Variants in HSD17B2 observed in about 807,000 individuals in gnomAD.
HSD17B2 encodes hydroxysteroid 17-beta dehydrogenase 2, also known as 17-beta-hydroxysteroid dehydrogenase type 2.
In HSD17B2, 32 loss-of-function variants were observed where a neutral mutation model predicts 26.9. The observed-to-expected ratio is 1.19, with a 90% CI of 0.90 to 1.60. The LOEUF is 1.60. Ranked by LOEUF, HSD17B2 falls within the 40% of genes most tolerant of loss-of-function variation. The pLI, the probability that HSD17B2 is intolerant of heterozygous loss-of-function variation, is 0.00. For missense variants in HSD17B2, 613 were observed against 468.6 expected, an observed-to-expected ratio of 1.31 and a Z score of -2.85; for synonymous variants, 246 against 186.7, an observed-to-expected ratio of 1.32 and a Z score of -2.59.
intron 3 of HSD17B2, among the ~76,000 whole-genome samples, chr16:82,085,473 T>C (rs757650362): frequency 3.3e-5 from 5 of 152,158 alleles, no homozygotes; most frequent in Non-Finnish European, 7.3e-5. Context: ...AACTGGTAAG[T>C]GATAAAGTCA....
At chr16:82,049,028 G>A (rs907566892) in intron 1 of HSD17B2, among the ~76,000 whole-genome samples, 1 of 152,164 alleles carries the variant, frequency 6.6e-6, no homozygotes, top group Non-Finnish European at 1.5e-5. Context: ...GGAACAGGTA[G>A]TCCCATGTTG....
At chr16:82,059,474 C>A (rs1239413363) in intron 1 of HSD17B2, among the ~76,000 whole-genome samples, 1 of 152,188 alleles carries the variant, frequency 6.6e-6, no homozygotes, top group Admixed American at 6.5e-5. Flanking sequence ...CCAGTGGATA[C>A]CGACCCCTAT....
At chr16:82,082,171 A>C (rs1342735603) in intron 3 of HSD17B2, among the ~76,000 whole-genome samples, 3 of 152,144 alleles carry the variant, frequency 2.0e-5, no homozygotes, top group African/African-American at 7.2e-5. Flanking sequence ...AAGACTGCTC[A>C]GTTCCCTGTG....
intron 1 of HSD17B2, among the ~76,000 whole-genome samples, chr16:82,061,619 T>G (rs563520544): frequency 3.9e-5 from 6 of 152,324 alleles, no homozygotes; most frequent in African/African-American, 1.2e-4. Flanking sequence ...CCAGTCTATA[T>G]AATAGTAATT....
chr16:82,060,788 C>T (rs778239041), intron 1 of HSD17B2, among the ~76,000 whole-genome samples: 65 of 152,176 alleles, frequency 4.3e-4, no homozygotes, highest in Non-Finnish European at 7.5e-4. Flanking sequence ...AGGGAGCACT[C>T]GGAGGAGCTT....
In HSD17B2 at chr16:82,050,653, C is replaced by T. The variant is rs190978429; in HGVS notation, c.265+14964C>T. ...CCAGATCCCACACCTCTCTCCCCTGCTAGTTAGCTTGAAGCACCAAGCTCT... is the reference window on the plus strand; with the variant it reads ...CCAGATCCCACACCTCTCTCCCCTGTTAGTTAGCTTGAAGCACCAAGCTCT... On this transcript the variant is annotated intron_variant, in intron 1 of 4. Transcript: ENST00000199936. Among the ~76,000 whole-genome samples, 199 of 152,326 alleles carry T rather than the reference C, an allele frequency of 1.3e-3. 2 individuals carry two copies. Among genetic ancestry groups the T allele is most frequent in the Non-Finnish European group, 7.2e-4 (49 of 68,022 alleles).
At chr16:82,062,826 C>T (rs1170936258) in intron 1 of HSD17B2, among the ~76,000 whole-genome samples, 4 of 152,192 alleles carry the variant, frequency 2.6e-5, no homozygotes, top group South Asian at 2.1e-4. Context: ...GCCAGGTTTC[C>T]GGAGTATACA....
chr16:82,043,358 A>G (rs1913819745), intron 1 of HSD17B2, among the ~76,000 whole-genome samples: 1 of 152,152 alleles, frequency 6.6e-6, no homozygotes, highest in African/African-American at 2.4e-5. Flanking sequence ...AGCAGCCAAG[A>G]ACAGATCATT....
At chr16:82,085,752 T>G (rs571481253) in intron 3 of HSD17B2, among the ~76,000 whole-genome samples, 9 of 152,234 alleles carry the variant, frequency 5.9e-5, no homozygotes, top group African/African-American at 2.2e-4. Flanking sequence ...AGATTCTGCA[T>G]GTCTATAACT....
chr16:82,049,913 C>A (rs1321313233), intron 1 of HSD17B2, among the ~76,000 whole-genome samples: 2 of 152,208 alleles, frequency 1.3e-5, no homozygotes, highest in Admixed American at 6.5e-5. Context: ...TTCTTGAATC[C>A]GGTGGATATC....
intron 1 of HSD17B2, 41 bp downstream of exon 1, chr16:82,035,730 T>G (rs751434452): frequency 1.9e-6 from 3 of 1,592,426 alleles, no homozygotes; most frequent in South Asian, 2.3e-5. Flanking sequence ...GGGTATGATC[T>G]GAAACTTGCT....
intron 1 of HSD17B2, among the ~76,000 whole-genome samples, chr16:82,051,610 G>A (rs1360355847): frequency 2.6e-5 from 4 of 152,138 alleles, no homozygotes; most frequent in African/African-American, 4.8e-5. Flanking sequence ...AGGACAAATA[G>A]CTAATGCATG....
chr16:82,038,813 T>C (rs529310492), intron 1 of HSD17B2, among the ~76,000 whole-genome samples: 2 of 152,308 alleles, frequency 1.3e-5, no homozygotes, highest in African/African-American at 4.8e-5. Flanking sequence ...TGAGAAGTCC[T>C]CTGAAGATCA....
intron 3 of HSD17B2, among the ~76,000 whole-genome samples, chr16:82,085,283 G>C (rs1260442431): frequency 6.6e-6 from 1 of 152,154 alleles, no homozygotes; most frequent in Non-Finnish European, 1.5e-5. Flanking sequence ...TTTCTTCCCT[G>C]ACACTCTTTA....
At chr16:82,058,277 C>T (rs1914333496) in intron 1 of HSD17B2, among the ~76,000 whole-genome samples, 1 of 151,944 alleles carries the variant, frequency 6.6e-6, no homozygotes, top group African/African-American at 2.4e-5. Context: ...CCCTTTGTTA[C>T]CCAGGCTAGT....
chr16:82,041,557 C>T (rs929941656), intron 1 of HSD17B2, among the ~76,000 whole-genome samples: 1 of 152,246 alleles, frequency 6.6e-6, no homozygotes, highest in African/African-American at 2.4e-5. Flanking sequence ...CTGGCTTCCA[C>T]CAGTCTGCTG....
intron 3 of HSD17B2, among the ~76,000 whole-genome samples, chr16:82,086,465 A>G (rs1904529743): frequency 6.6e-6 from 1 of 152,190 alleles, no homozygotes; most frequent in Non-Finnish European, 1.5e-5. Context: ...ATATATCACA[A>G]TGTAAAGGAA....
intron 1 of HSD17B2, among the ~76,000 whole-genome samples, chr16:82,062,822 T>A (rs1914477232): frequency 6.6e-6 from 1 of 152,224 alleles, no homozygotes; most frequent in Non-Finnish European, 1.5e-5. Flanking sequence ...TGTTGCCAGG[T>A]TTCCGGAGTA....
intron 1 of HSD17B2, among the ~76,000 whole-genome samples, chr16:82,043,464 C>T (rs1198050790): frequency 8.0e-6 from 1 of 124,266 alleles, no homozygotes; most frequent in Non-Finnish European, 1.5e-5. Flanking sequence ...GCGGGCGGAT[C>T]ACGAGGTCAG....
Sources: gnomAD v4.1 joint callset for allele counts (sites outside exome capture counted in the v4.1 genomes callset) on GRCh38, gnomAD v4.1.1 for gene constraint, MANE v1.5 for transcripts, NCBI Gene and HGNC (gene_info 2026-07-23, HGNC 2026-07-21) for gene names.